PCBD2: variants seen among roughly 807,000 people sequenced by gnomAD.
PCBD2 encodes pterin-4-alpha-carbinolamine dehydratase 2.
Under a neutral mutation model 16.4 loss-of-function variants are expected in PCBD2, and 12 were observed. The observed-to-expected ratio is 0.73, with a 90% CI of 0.47 to 1.19. The LOEUF (loss-of-function observed/expected upper bound fraction) is 1.19. PCBD2 is among the 50% of genes most tolerant of loss of function. The pLI is 0.00. For synonymous variants in PCBD2, 58 were observed against 61.8 expected (o/e 0.94, Z 0.29); for missense variants, 138 against 156.8 (o/e 0.88, Z 0.64).
At chr5:134,958,000 G>T (rs1227648531) in intron 2 of PCBD2, among the ~76,000 whole-genome samples, 2 of 152,164 alleles carry the variant, frequency 1.3e-5, no homozygotes, top group Non-Finnish European at 2.9e-5. Flanking sequence ...ACACACTTAG[G>T]TCATTTGGTG....
intron 2 of PCBD2, among the ~76,000 whole-genome samples, chr5:134,950,377 G>A (rs372907934): frequency 1.8e-4 from 28 of 152,290 alleles, no homozygotes; most frequent in African/African-American, 4.6e-4. Context: ...TCTGAGTAAC[G>A]AAAGATTTGT....
At chr5:134,938,483 C>T (rs1424251262) in intron 2 of PCBD2, among the ~76,000 whole-genome samples, 2 of 152,160 alleles carry the variant, frequency 1.3e-5, no homozygotes, top group Non-Finnish European at 2.9e-5. Flanking sequence ...CGAGGGTGTC[C>T]TCTCACCCTT....
intron 2 of PCBD2, among the ~76,000 whole-genome samples, chr5:134,930,170 T>G (rs967187624): frequency 2.0e-5 from 3 of 152,164 alleles, no homozygotes; most frequent in African/African-American, 7.2e-5. Flanking sequence ...ATGAACAGGG[T>G]CATGTAACTG....
In PCBD2 at chr5:134,960,771, T is replaced by A; in HGVS notation, c.*90T>A. 1 of 1,089,488 alleles carries A rather than the reference T, an allele frequency of 9.2e-7. No individual in the cohort carries two copies. The highest frequency in any genetic ancestry group is 1.4e-6 in the Non-Finnish European group (1 of 738,396). The allele number at this position is 1,089,488 out of a possible 1,614,324, so 67.5% of individuals were successfully genotyped here. A position where few individuals can be genotyped will look rare whatever the true frequency, so the allele number is the denominator to read the frequency against. ...TATGTGAACAAATAGAGTTGTTCTT[T>A]TTCTCTTTTTTTTAAGACAGAGTGT... On this transcript the variant is annotated 3_prime_UTR_variant, in exon 4 of 4. Coordinates refer to ENST00000254908, the MANE Select transcript of PCBD2 (RefSeq NM_032151.5).
intron 2 of PCBD2, among the ~76,000 whole-genome samples, chr5:134,911,065 G>T (rs1750763486): frequency 6.6e-6 from 1 of 152,230 alleles, no homozygotes; most frequent in Admixed American, 6.5e-5. Flanking sequence ...TGGGAATAGA[G>T]ATATGAGCCA....
chr5:134,925,118 G>A (rs147948827), intron 2 of PCBD2: 4,419 of 397,628 alleles, frequency 0.011, 31 homozygotes, highest in Non-Finnish European at 0.014. Context: ...AGTAGGGTGG[G>A]GTTGTTTTCG....
intron 2 of PCBD2, among the ~76,000 whole-genome samples, chr5:134,937,364 A>G (rs1751171970): frequency 6.6e-6 from 1 of 152,244 alleles, no homozygotes; most frequent in South Asian, 2.1e-4. Context: ...CTTACTAAAA[A>G]AGATGAATTT....
intron 2 of PCBD2, among the ~76,000 whole-genome samples, chr5:134,952,531 C>T (rs745921717): frequency 2.6e-5 from 4 of 152,088 alleles, no homozygotes; most frequent in Non-Finnish European, 5.9e-5. Context: ...AGTGCAGTGG[C>T]GCATGCCTGT....
chr5:134,919,386 CTG>C (rs1214758106), intron 2 of PCBD2, among the ~76,000 whole-genome samples: 1 of 152,092 alleles, frequency 6.6e-6, no homozygotes, highest in Non-Finnish European at 1.5e-5. Context: ...GGGTTTAAAT[CTG>C]TGCCAGGTTT....
chr5:134,910,322 G>A lies in PCBD2; in HGVS notation c.85-13G>A, dbSNP rs1362836294. The A allele has an allele frequency of 6.2e-7, 1 of 1,610,712 alleles. No homozygotes were observed. The highest frequency in any genetic ancestry group is 1.1e-5 in the South Asian group (1 of 90,298). On this transcript the variant is annotated splice_polypyrimidine_tract_variant and intron_variant, in intron 1 of 3. Coordinates refer to ENST00000254908, the MANE Select transcript of PCBD2 (RefSeq NM_032151.5). ...TTGTACATTTTCAGATATGAAATGTGTTCTCTTCATAGTCATCAGGTACTC... is the reference window on the plus strand; with the variant it reads ...TTGTACATTTTCAGATATGAAATGTATTCTCTTCATAGTCATCAGGTACTC...
rs1039692750 is a variant in PCBD2 at position 134,962,481 on chromosome 5, G to T, written c.*1800G>T. Among the ~76,000 whole-genome samples the T allele has an allele frequency of 6.6e-6, 1 of 152,062 alleles. No homozygotes were observed. The highest frequency in any genetic ancestry group is 6.6e-5 in the Admixed American group (1 of 15,262). On this transcript the variant is annotated 3_prime_UTR_variant, in exon 4 of 4. Transcript: ENST00000254908. ...TTGCCCAGGCTGGTCTTGAATGCCT[G>T]GGCTCAAATGATCTTCCTGCCTTGA...
intron 2 of PCBD2, among the ~76,000 whole-genome samples, chr5:134,920,705 G>A (rs1750893353): frequency 6.6e-6 from 1 of 151,940 alleles, no homozygotes; most frequent in Non-Finnish European, 1.5e-5. Flanking sequence ...GGCTAGGCTG[G>A]AGTGCAATGG....
intron 2 of PCBD2, among the ~76,000 whole-genome samples, chr5:134,943,133 A>G (rs187599131): frequency 4.9e-4 from 75 of 152,336 alleles, no homozygotes; most frequent in Admixed American, 1.9e-3. Context: ...ATGGATTAAT[A>G]AAAATGAAAA....
chr5:134,928,760 G>A (rs1476790338), intron 2 of PCBD2, among the ~76,000 whole-genome samples: 6 of 152,112 alleles, frequency 3.9e-5, no homozygotes, highest in African/African-American at 9.7e-5. Flanking sequence ...GTGTAAACCC[G>A]GGAGGCAGAG....
chr5:134,953,857 G>A (rs542672944), intron 2 of PCBD2, among the ~76,000 whole-genome samples: 2 of 152,098 alleles, frequency 1.3e-5, no homozygotes, highest in East Asian at 3.9e-4. Context: ...TAGCATTTAT[G>A]GTCCCCCCTC....
chr5:134,918,808 G>GC (rs1358103037), intron 2 of PCBD2, among the ~76,000 whole-genome samples: 1 of 152,190 alleles, frequency 6.6e-6, no homozygotes, highest in Non-Finnish European at 1.5e-5. Flanking sequence ...TTCTTCCTGA[G>GC]CAGGACCACG....
At position 134,918,817 on chromosome 5, in the gene PCBD2, C is replaced by T. The variant is rs528789014; in HGVS notation, c.216+8351C>T. 2.7e-4 allele frequency among the ~76,000 whole-genome samples: 41 copies of T among 152,306 alleles called. 1 individual carries two copies. Among genetic ancestry groups the T allele is most frequent in the South Asian group, 1.2e-3 (6 of 4,830 alleles). ...TTGGAGTTCTTCCTGAGCAGGACCA[C>T]GCTGATGCTCCCAGGAGGTGGCTAG... On this transcript the variant is annotated intron_variant, in intron 2 of 3. Coordinates refer to ENST00000254908, the MANE Select transcript of PCBD2 (RefSeq NM_032151.5).
chr5:134,910,252 A>G lies in PCBD2; in HGVS notation c.85-83A>G, dbSNP rs1301071742. 19 of 1,440,582 alleles carry G rather than the reference A, an allele frequency of 1.3e-5. No homozygotes were observed. In the Admixed American group the frequency reaches 4.0e-4, roughly 30 times the overall value. The allele number at this position is 1,440,582 out of a possible 1,614,324, so 89.2% of individuals were successfully genotyped here. A position where few individuals can be genotyped will look rare whatever the true frequency, so the allele number is the denominator to read the frequency against. ...TTTGTTGCCTTTCAGACTTTTCTAC[A>G]TCTCTGCTTAAGGTAAGGAGCCATA... On this transcript the variant is annotated intron_variant, in intron 1 of 3. Coordinates refer to ENST00000254908, the MANE Select transcript of PCBD2 (RefSeq NM_032151.5).
In PCBD2 at chr5:134,959,021, T is replaced by C; in HGVS notation, c.217-19T>C. On this transcript the variant is annotated intron_variant, in intron 2 of 3. Coordinates refer to ENST00000254908, the MANE Select transcript of PCBD2 (RefSeq NM_032151.5). ...TAGAGGACAATGTCAGTAATTACTC[T>C]TGACTTCATCTTATGCAGGCATTTG... 1.9e-6 allele frequency: 3 copies of C among 1,605,746 alleles called. No homozygotes were observed. Among genetic ancestry groups the C allele is most frequent in the Non-Finnish European group, 2.6e-6 (3 of 1,172,672 alleles).
Sources: allele counts gnomAD v4.1 joint callset (sites outside exome capture counted in the v4.1 genomes callset), GRCh38; gene constraint gnomAD v4.1.1; transcripts MANE v1.5; gene names NCBI Gene and HGNC (gene_info 2026-07-23, HGNC 2026-07-21).